The following SH3PXD2B variants were observed in gnomAD, a reference collection of about 807,000 sequenced individuals.
SH3PXD2B encodes the protein SH3 and PX domains 2B.
A neutral mutation model predicts 73.1 loss-of-function variants in SH3PXD2B; 37 were observed. That is an observed-to-expected ratio of 0.51 (90% CI 0.39 to 0.67). The LOEUF (loss-of-function observed/expected upper bound fraction) is 0.67, where lower values mean the gene tolerates loss of function less well. Ranked by LOEUF, SH3PXD2B falls within the 30% of genes least tolerant of loss-of-function variation. SH3PXD2B has a pLI of 0.00. For synonymous variants in SH3PXD2B, 457 were observed against 480.5 expected, an observed-to-expected ratio of 0.95 and a Z score of 0.64; for missense variants, 1,053 against 1,197.8, an observed-to-expected ratio of 0.88 and a Z score of 1.78.
intron 10 of SH3PXD2B, among the ~76,000 whole-genome samples, chr5:172,349,985 G>C (rs1218943915): frequency 6.6e-6 from 1 of 152,134 alleles, no homozygotes; most frequent in Non-Finnish European, 1.5e-5. Flanking sequence ...CTCCCAAGTA[G>C]CTGGGATTTC....
At chr5:172,406,197 G>C (rs1758552038) in intron 3 of SH3PXD2B, 80 bp downstream of exon 3, 1 of 1,453,854 alleles carries the variant, frequency 6.9e-7, no homozygotes, top group Non-Finnish European at 9.6e-7. Context: ...AGGAAGACAA[G>C]CTGATAAACT....
chr5:172,380,558 T>C (rs901401345), intron 5 of SH3PXD2B, among the ~76,000 whole-genome samples: 1 of 152,180 alleles, frequency 6.6e-6, no homozygotes, highest in African/African-American at 2.4e-5. Context: ...GCGACACAAA[T>C]TGGGAAATGC....
At chr5:172,434,787 T>G (rs900862960) in intron 1 of SH3PXD2B, among the ~76,000 whole-genome samples, 2 of 149,342 alleles carry the variant, frequency 1.3e-5, no homozygotes, top group South Asian at 2.1e-4. Context: ...CAATGGTTTT[T>G]TTTTTTTTTT....
intron 12 of SH3PXD2B, among the ~76,000 whole-genome samples, chr5:172,343,990 T>C (rs1430968398): frequency 6.6e-6 from 1 of 151,240 alleles, no homozygotes; most frequent in African/African-American, 2.4e-5. Context: ...AAAAACAAAC[T>C]AACCAACCAA....
rs1487056720 is a variant in SH3PXD2B, at chr5:172,339,810, G to A, written c.1295C>T (p.Ser432Leu). Reference protein sequence around the residue: ...IDKYKKTSNASRPNFLAPLPH... With the variant: ...IDKYKKTSNALRPNFLAPLPH... Reference sequence around the variant, plus strand: ...CAGGGGAGCCAGAAAGTTGGGTCTCGACGCGTTGCTCGTCTTCTTGTACTT... The same window carrying A: ...CAGGGGAGCCAGAAAGTTGGGTCTCAACGCGTTGCTCGTCTTCTTGTACTT... The change falls in exon 13 of 13, where the codon TCG becomes TTG. Residue 432 changes from serine (S) to leucine (L), a missense_variant. Physicochemically the swap from Ser to Leu is moderately radical, Grantham distance 145. Around this residue, in one of 2 missense-constraint regions of SH3PXD2B, gnomAD observed 466 missense variants for 607.1 expected, o/e 0.77. Coordinates refer to ENST00000311601, the MANE Select transcript of SH3PXD2B (RefSeq NM_001017995.3). The surrounding 1 kb of genome is among the most constrained non-coding windows in gnomAD (Gnocchi z 6.1). 6.2e-6 allele frequency: 10 copies of A among 1,613,878 alleles called. No individual in the cohort carries two copies. The highest frequency in any genetic ancestry group is 2.2e-5 in the East Asian group (1 of 44,876).
At chr5:172,369,607 A>G (rs1757657385) in intron 6 of SH3PXD2B, among the ~76,000 whole-genome samples, 1 of 152,132 alleles carries the variant, frequency 6.6e-6, no homozygotes, top group South Asian at 2.1e-4. Context: ...GTCTGTACTA[A>G]ACATGCAAAA....
Position 172,333,538 on chromosome 5 carries a change from TTTAA to T in SH3PXD2B, c.*4827_*4830del. The T allele has an allele frequency of 9.3e-7, 1 of 1,070,884 alleles. No homozygotes were observed. Among genetic ancestry groups the T allele is most frequent in the Non-Finnish European group, 1.1e-6 (1 of 875,636 alleles). The allele number at this position is 1,070,884 out of a possible 1,614,324, so 66.3% of individuals were successfully genotyped here. ...TGAAACCAGTCAAGCACTTTTTTTA[TTTAA>T]AAAAAAAAAAAGGAAAGAAGTCAAA... is the stretch of plus-strand genomic sequence containing the variant. On this transcript the variant is annotated 3_prime_UTR_variant, in exon 13 of 13. Coordinates refer to ENST00000311601, the MANE Select transcript of SH3PXD2B (RefSeq NM_001017995.3).
intron 1 of SH3PXD2B, among the ~76,000 whole-genome samples, chr5:172,439,692 G>GCGCACACACACACA (rs1554087696): frequency 6.7e-4 from 93 of 138,616 alleles, no homozygotes; most frequent in African/African-American, 2.4e-3. Flanking sequence ...GCACGCGCGC[G>GCGCACACACACACA]CACACACACA....
At chr5:172,348,576 T>C (rs1757047623) in intron 10 of SH3PXD2B, among the ~76,000 whole-genome samples, 2 of 150,774 alleles carry the variant, frequency 1.3e-5, no homozygotes, top group Admixed American at 1.3e-4. Context: ...TATGTGTATA[T>C]TCAGTGGTGG....
chr5:172,446,654 T>C (rs1403087973), intron 1 of SH3PXD2B, among the ~76,000 whole-genome samples: 1 of 152,088 alleles, frequency 6.6e-6, no homozygotes, highest in East Asian at 1.9e-4. Context: ...GCACCTCCGG[T>C]GGGAGGCAAG....
chr5:172,358,440 C>T, intron 8 of SH3PXD2B, among the ~76,000 whole-genome samples: 1 of 152,176 alleles, frequency 6.6e-6, no homozygotes, highest in Non-Finnish European at 1.5e-5. Context: ...AGTTCCAGCA[C>T]CTTGGCCGCC....
chr5:172,329,085 T>A (rs796144188), downstream of SH3PXD2B, among the ~76,000 whole-genome samples: 526 of 100,500 alleles, frequency 5.2e-3, 4 homozygotes, highest in East Asian at 0.012. Context: ...ATATATATAT[T>A]TTTTTTTTTT....
intron 1 of SH3PXD2B, among the ~76,000 whole-genome samples, chr5:172,438,603 G>A (rs1759448907): frequency 6.6e-6 from 1 of 152,166 alleles, no homozygotes; most frequent in Admixed American, 6.5e-5. Flanking sequence ...AGCTGGCTTT[G>A]TCACAGAGGG....
chr5:172,327,880 G>A (rs1026036538), intron 12 of SH3PXD2B, among the ~76,000 whole-genome samples: 3 of 151,290 alleles, frequency 2.0e-5, no homozygotes, highest in Non-Finnish European at 4.4e-5. Flanking sequence ...TCAGCCGCCC[G>A]AGTAGCTGGG....
chr5:172,332,420 C>CTT (rs11320850), downstream of SH3PXD2B, among the ~76,000 whole-genome samples: 334 of 142,358 alleles, frequency 2.3e-3, no homozygotes, highest in Non-Finnish European at 3.7e-3. Flanking sequence ...CACCTGGCTA[C>CTT]TTTTTTTTTT....
intron 3 of SH3PXD2B, among the ~76,000 whole-genome samples, chr5:172,403,562 A>T (rs547744223): frequency 1.7e-4 from 26 of 152,264 alleles, no homozygotes; most frequent in Admixed American, 3.3e-4. Flanking sequence ...TGGGAACGGC[A>T]TTTTCATTAA....
chr5:172,389,052 T>A (rs956373836), intron 4 of SH3PXD2B, among the ~76,000 whole-genome samples: 6 of 146,446 alleles, frequency 4.1e-5, no homozygotes, highest in African/African-American at 1.6e-4. Context: ...GCATTTTTAC[T>A]TTTTCTTTTT....
At chr5:172,451,272 C>A (rs1176928400) in intron 1 of SH3PXD2B, among the ~76,000 whole-genome samples, 1 of 152,118 alleles carries the variant, frequency 6.6e-6, no homozygotes, top group Non-Finnish European at 1.5e-5. Context: ...GAGATGGCTG[C>A]AAATGGGGAG....
chr5:172,428,229 G>A (rs1759147827), intron 1 of SH3PXD2B, among the ~76,000 whole-genome samples: 1 of 152,140 alleles, frequency 6.6e-6, no homozygotes, highest in South Asian at 2.1e-4. Flanking sequence ...ATTTCTTGAA[G>A]TCTTGGTTGT....
Sources: allele counts gnomAD v4.1 joint callset (sites outside exome capture counted in the v4.1 genomes callset), GRCh38; gene constraint gnomAD v4.1.1; regional missense constraint gnomAD v4.1.1; non-coding constraint Gnocchi (gnomAD v3.1); transcripts MANE v1.5; gene names NCBI Gene and HGNC (gene_info 2026-07-23, HGNC 2026-07-21).